The following SOX5 variants were observed in gnomAD, a reference collection of about 807,000 sequenced individuals.
SOX5 encodes the protein transcription factor SOX-5.
In SOX5, 9 loss-of-function variants were observed where a neutral mutation model predicts 92.0. That is an observed-to-expected ratio of 0.10 (90% confidence interval 0.06 to 0.17). The LOEUF (loss-of-function observed/expected upper bound fraction) is 0.17, where lower values mean the gene tolerates loss of function less well. Among genes scored for constraint, SOX5 ranks in the 10% least tolerant of loss-of-function variants. The pLI is 1.00. For synonymous variants in SOX5, 344 were observed against 336.3 expected (o/e 1.02, Z -0.25); for missense variants, 642 against 944.5 (o/e 0.68, Z 4.20).
intron 4 of SOX5, among the ~76,000 whole-genome samples, chr12:24,098,752 C>T (rs561325015): frequency 6.6e-6 from 1 of 152,122 alleles, no homozygotes; most frequent in South Asian, 2.1e-4. Flanking sequence ...CCAGAAAAGG[C>T]AGACTTGTGC....
chr12:23,937,741 T>C (rs778779675), intron 1 of SOX5, among the ~76,000 whole-genome samples: 4 of 150,920 alleles, frequency 2.7e-5, no homozygotes, highest in Non-Finnish European at 6.0e-5. Flanking sequence ...AAGACTGACA[T>C]AGAAGAGATT....
intron 4 of SOX5, among the ~76,000 whole-genome samples, chr12:24,120,573 G>A (rs907964856): frequency 2.0e-5 from 3 of 152,168 alleles, no homozygotes; most frequent in Non-Finnish European, 4.4e-5. Context: ...AAATGGAGGA[G>A]ATTGTTACAA....
chr12:23,591,748 T>G (rs1417106360), intron 9 of SOX5, among the ~76,000 whole-genome samples: 1 of 152,126 alleles, frequency 6.6e-6, no homozygotes, highest in Non-Finnish European at 1.5e-5. Flanking sequence ...TCAGAAGAGT[T>G]GCATAGAGAA....
At chr12:23,613,133 T>TG (rs1272517359) in intron 8 of SOX5, among the ~76,000 whole-genome samples, 1 of 152,154 alleles carries the variant, frequency 6.6e-6, no homozygotes, top group Non-Finnish European at 1.5e-5. Flanking sequence ...GCCTTCACTG[T>TG]GCTGAATACC....
chr12:24,337,213 C>A (rs917550740), intron 2 of SOX5, among the ~76,000 whole-genome samples: 5 of 152,146 alleles, frequency 3.3e-5, no homozygotes, highest in Non-Finnish European at 5.9e-5. Flanking sequence ...CTTTCAACAT[C>A]TGAGTAAATG....
chr12:23,912,829 G>T (rs1038421768), intron 1 of SOX5, among the ~76,000 whole-genome samples: 1 of 151,966 alleles, frequency 6.6e-6, no homozygotes, highest in Admixed American at 6.6e-5. Context: ...CTAGGGTAGG[G>T]TATGGGGGTG....
chr12:23,599,256 A>G (rs770240084), intron 9 of SOX5, among the ~76,000 whole-genome samples: 16 of 152,224 alleles, frequency 1.1e-4, no homozygotes, highest in Non-Finnish European at 1.9e-4. Context: ...GCAACATTAT[A>G]AGGATAGTGC....
chr12:23,710,448 T>C (rs994597053), intron 6 of SOX5, among the ~76,000 whole-genome samples: 2 of 152,082 alleles, frequency 1.3e-5, no homozygotes, highest in African/African-American at 2.4e-5. Context: ...TGTCCAAGTA[T>C]TCTTGTTGTT....
At chr12:24,254,410 A>G (rs114734926) in intron 3 of SOX5, among the ~76,000 whole-genome samples, 1 of 151,750 alleles carries the variant, frequency 6.6e-6, no homozygotes. Context: ...AAAAAAATAC[A>G]TCTAATACAT....
intron 4 of SOX5, among the ~76,000 whole-genome samples, chr12:24,124,994 T>A (rs544302268): frequency 6.6e-6 from 1 of 152,304 alleles, no homozygotes; most frequent in South Asian, 2.1e-4. Context: ...GAAAGTAAGA[T>A]GGAGCCATTT....
chr12:23,918,447 A>G (rs2097442062), intron 1 of SOX5, among the ~76,000 whole-genome samples: 1 of 152,224 alleles, frequency 6.6e-6, no homozygotes, highest in African/African-American at 2.4e-5. Flanking sequence ...AATAATCAAT[A>G]TTTTAGGATT....
chr12:23,603,155 A>G (rs891558549), intron 9 of SOX5, among the ~76,000 whole-genome samples: 9 of 152,076 alleles, frequency 5.9e-5, no homozygotes, highest in Non-Finnish European at 1.2e-4. Context: ...TGGAGGTTAG[A>G]GTGCCCTTTT....
chr12:23,999,026 C>A (rs1425968757), intron 4 of SOX5, among the ~76,000 whole-genome samples: 1 of 151,722 alleles, frequency 6.6e-6, no homozygotes, highest in Non-Finnish European at 1.5e-5. Flanking sequence ...AGGAAAATAA[C>A]TCAAATAAAA....
intron 2 of SOX5, among the ~76,000 whole-genome samples, chr12:24,294,573 A>C (rs1946984568): frequency 6.6e-6 from 1 of 152,164 alleles, no homozygotes; most frequent in Admixed American, 6.5e-5. Context: ...TACCTCTCAC[A>C]TGTGGTACAT....
intron 4 of SOX5, among the ~76,000 whole-genome samples, chr12:23,974,630 G>C (rs552454022): frequency 6.6e-6 from 1 of 152,154 alleles, no homozygotes; most frequent in Non-Finnish European, 1.5e-5. Flanking sequence ...AAACCTCCAA[G>C]CTTCCTGGCA....
chr12:23,639,681 GAAGAA>G (rs2079779334), intron 8 of SOX5, among the ~76,000 whole-genome samples: 1 of 152,134 alleles, frequency 6.6e-6, no homozygotes, highest in East Asian at 1.9e-4. Context: ...CACAGAAAAG[GAAGAA>G]TAGAAATGAA....
At chr12:24,430,437 A>G (rs1938066894) in intron 1 of SOX5, among the ~76,000 whole-genome samples, 1 of 151,944 alleles carries the variant, frequency 6.6e-6, no homozygotes, top group Admixed American at 6.6e-5. Flanking sequence ...TATTTATGAT[A>G]TTTATGAGGG....
intron 2 of SOX5, among the ~76,000 whole-genome samples, chr12:24,363,086 GCTA>G (rs1164333189): frequency 3.3e-5 from 5 of 151,676 alleles, no homozygotes; most frequent in Non-Finnish European, 2.9e-5. Context: ...TAATTATAGA[GCTA>G]CTAACTTTAT....
intron 4 of SOX5, among the ~76,000 whole-genome samples, chr12:24,072,872 T>C (rs1941985424): frequency 6.6e-6 from 1 of 152,208 alleles, no homozygotes; most frequent in Non-Finnish European, 1.5e-5. Context: ...AATTATACCC[T>C]ACTTTACATG....
Sources: gnomAD v4.1 joint callset for allele counts (sites outside exome capture counted in the v4.1 genomes callset) on GRCh38, gnomAD v4.1.1 for gene constraint, MANE v1.5 for transcripts, NCBI Gene and HGNC (gene_info 2026-07-23, HGNC 2026-07-21) for gene names.